ZBTB44: variants seen among roughly 807,000 people sequenced by gnomAD.
The protein encoded by ZBTB44 is zinc finger and BTB domain-containing protein 44.
A neutral mutation model predicts 54.0 loss-of-function variants in ZBTB44; 15 were observed. That is an observed-to-expected ratio of 0.28 (90% CI 0.19 to 0.43). ZBTB44 has a LOEUF of 0.43. Among genes scored for constraint, ZBTB44 ranks in the 20% least tolerant of loss-of-function variants. The pLI is 1.00. For missense variants in ZBTB44, 487 were observed against 707.1 expected (o/e 0.69, Z 3.53); for synonymous variants, 230 against 250.1 (o/e 0.92, Z 0.76).
chr11:130,240,041 ATTTTT>A, intron 2 of ZBTB44, 145 bp from the exon 3 acceptor site: 24 of 321,344 alleles, frequency 7.5e-5, no homozygotes, highest in East Asian at 2.8e-4. Context: ...AGTGTTCTAC[ATTTTT>A]TTTTTTTTTT....
intron 1 of ZBTB44, among the ~76,000 whole-genome samples, chr11:130,273,307 A>ATTTTTTTTTTTTT (rs34506406): frequency 7.9e-6 from 1 of 126,294 alleles, no homozygotes. Flanking sequence ...TATTTTCTTA[A>ATTTTTTTTTTTTT]TTTTTTTTTT....
At chr11:130,289,862 AC>A (rs1360422271) in intron 1 of ZBTB44, among the ~76,000 whole-genome samples, 4 of 152,212 alleles carry the variant, frequency 2.6e-5, no homozygotes, top group African/African-American at 7.2e-5. Flanking sequence ...ATACCCTCAT[AC>A]ACATGGCCCA....
intron 2 of ZBTB44, among the ~76,000 whole-genome samples, chr11:130,251,215 T>A (rs1312877961): frequency 6.6e-6 from 1 of 151,820 alleles, no homozygotes; most frequent in Non-Finnish European, 1.5e-5. Flanking sequence ...ATCAACTTAC[T>A]GAAATGAGGC....
At chr11:130,272,576 C>T (rs1050637265) in intron 1 of ZBTB44, among the ~76,000 whole-genome samples, 9 of 152,124 alleles carry the variant, frequency 5.9e-5, no homozygotes, top group African/African-American at 2.2e-4. Context: ...CTTTGAAGCA[C>T]AGAAGGTTTT....
intron 2 of ZBTB44, among the ~76,000 whole-genome samples, chr11:130,258,657 T>C (rs2136417028): frequency 6.6e-6 from 1 of 152,294 alleles, no homozygotes; most frequent in East Asian, 1.9e-4. Flanking sequence ...CCAGATTCCC[T>C]TGCAGCTAGG....
At chr11:130,259,154 T>C (rs1253584672) in intron 2 of ZBTB44, among the ~76,000 whole-genome samples, 1 of 152,200 alleles carries the variant, frequency 6.6e-6, no homozygotes, top group Non-Finnish European at 1.5e-5. Context: ...TTGCCCAAAG[T>C]AATTTATAGA....
intron 1 of ZBTB44, among the ~76,000 whole-genome samples, chr11:130,275,338 T>C (rs976930678): frequency 5.3e-5 from 8 of 152,292 alleles, no homozygotes; most frequent in Non-Finnish European, 2.9e-5. Flanking sequence ...AACATTTTCT[T>C]TTTTAAAATA....
intron 1 of ZBTB44, among the ~76,000 whole-genome samples, chr11:130,303,396 G>T (rs1438057636): frequency 6.6e-6 from 1 of 152,220 alleles, no homozygotes; most frequent in Non-Finnish European, 1.5e-5. Flanking sequence ...GGCACTTTAG[G>T]AGGCCGAGGT....
chr11:130,251,311 T>TA (rs1937982664), intron 2 of ZBTB44, among the ~76,000 whole-genome samples: 2 of 152,044 alleles, frequency 1.3e-5, no homozygotes, highest in Admixed American at 1.3e-4. Context: ...AGACCAAACC[T>TA]ACGATTGACT....
chr11:130,304,624 A>T lies in ZBTB44; in HGVS notation c.-57+9751T>A, dbSNP rs545379423. 3.1e-3 allele frequency among the ~76,000 whole-genome samples: 476 copies of T among 151,916 alleles called. 4 individuals carry two copies. Among genetic ancestry groups the T allele is most frequent in the Non-Finnish European group, 4.1e-3 (277 of 67,932 alleles). ...ATATACATATATTTTTCTCTTTTTT[A>T]AAAAAAATATTGATTTTTCCAGTGC... On this transcript the variant is annotated intron_variant, in intron 1 of 7. Transcript: ENST00000357899.
At chr11:130,237,516 G>C (rs1954157266) in intron 4 of ZBTB44, among the ~76,000 whole-genome samples, 1 of 152,168 alleles carries the variant, frequency 6.6e-6, no homozygotes, top group South Asian at 2.1e-4. Context: ...CTATCTCACA[G>C]AGAAACGAGA....
At chr11:130,295,538 G>C in intron 1 of ZBTB44, 2 of 707,058 alleles carry the variant, frequency 2.8e-6, no homozygotes, top group Non-Finnish European at 2.6e-6. Flanking sequence ...AGATGACAGT[G>C]AGGTGCCCAG....
intron 2 of ZBTB44, among the ~76,000 whole-genome samples, chr11:130,253,909 T>C (rs1415522960): frequency 6.6e-6 from 1 of 152,040 alleles, no homozygotes; most frequent in Non-Finnish European, 1.5e-5. Flanking sequence ...TCAGAAATAA[T>C]ACCACACATC....
intron 1 of ZBTB44, among the ~76,000 whole-genome samples, chr11:130,295,242 G>A (rs548120320): frequency 4.7e-4 from 72 of 152,246 alleles, no homozygotes; most frequent in African/African-American, 1.7e-3. Flanking sequence ...GTTAAAAAAT[G>A]AAAACATTCT....
chr11:130,271,071 C>G (rs143015806), intron 1 of ZBTB44, among the ~76,000 whole-genome samples: 2,364 of 152,200 alleles, frequency 0.016, 64 homozygotes, highest in Admixed American at 0.064. Flanking sequence ...TAATTTCTCT[C>G]GACCCTGTCC....
At chr11:130,271,500 AG>A (rs1476842185) in intron 1 of ZBTB44, among the ~76,000 whole-genome samples, 1 of 152,174 alleles carries the variant, frequency 6.6e-6, no homozygotes, top group Non-Finnish European at 1.5e-5. Flanking sequence ...AGACAAACCT[AG>A]GAGAACCCCC....
intron 5 of ZBTB44, chr11:130,236,175 T>C: frequency 2.3e-6 from 3 of 1,287,266 alleles, no homozygotes; most frequent in Non-Finnish European, 3.0e-6. Context: ...CAACAGCAGT[T>C]AGTGGCAGAG....
At chr11:130,239,587 T>C (rs376639237) in intron 3 of ZBTB44, 2 of 339,884 alleles carry the variant, frequency 5.9e-6, no homozygotes, top group South Asian at 3.5e-5. Context: ...TTGGTACAGA[T>C]ACGATTTAAA....
At chr11:130,260,489 A>G (rs1938783416) in intron 2 of ZBTB44, among the ~76,000 whole-genome samples, 3 of 152,190 alleles carry the variant, frequency 2.0e-5, no homozygotes, top group African/African-American at 7.2e-5. Flanking sequence ...TAGATGATTA[A>G]CCTAATTGTC....
Sources: gnomAD v4.1 joint callset for allele counts (sites outside exome capture counted in the v4.1 genomes callset) on GRCh38, gnomAD v4.1.1 for gene constraint, MANE v1.5 for transcripts, NCBI Gene and HGNC (gene_info 2026-07-23, HGNC 2026-07-21) for gene names.